The following ICA1 variants were observed in gnomAD, a reference collection of about 807,000 sequenced individuals.
The protein encoded by ICA1 is islet cell autoantigen 1.
In ICA1, 40 loss-of-function variants were observed where a neutral mutation model predicts 71.0. That is an observed-to-expected ratio of 0.56 (90% confidence interval 0.44 to 0.73). The LOEUF (loss-of-function observed/expected upper bound fraction) is 0.73, where lower values mean the gene tolerates loss of function less well. Among genes scored for constraint, ICA1 ranks in the 30% least tolerant of loss-of-function variants. ICA1 has a pLI of 0.00. For missense variants in ICA1, 578 were observed against 576.5 expected, an observed-to-expected ratio of 1.00 and a Z score of -0.03; for synonymous variants, 207 against 209.5, an observed-to-expected ratio of 0.99 and a Z score of 0.10.
intron 8 of ICA1, among the ~76,000 whole-genome samples, chr7:8,146,435 A>T (rs1796925452): frequency 6.6e-6 from 1 of 152,180 alleles, no homozygotes; most frequent in Admixed American, 6.5e-5. Context: ...TGAGACTGGG[A>T]TAAAGAGGTC....
intron 6 of ICA1, among the ~76,000 whole-genome samples, chr7:8,217,849 T>C (rs1795872005): frequency 6.6e-6 from 1 of 152,224 alleles, no homozygotes; most frequent in African/African-American, 2.4e-5. Context: ...CTGCATGAGT[T>C]AACCCTGCAA....
At chr7:8,216,859 G>A (rs1366539597) in intron 6 of ICA1, among the ~76,000 whole-genome samples, 2 of 152,064 alleles carry the variant, frequency 1.3e-5, no homozygotes, top group African/African-American at 4.8e-5. Flanking sequence ...AAATAAAATC[G>A]GTGTCTTGGT....
At position 8,138,865 on chromosome 7, in the gene ICA1, T is replaced by C. The variant is rs1794252326; in HGVS notation, c.1035A>G (p.Leu345=). The part of the protein sequence containing the change: ...HTACSGPIDE[L]LDMKSEEGAC... ...CACCTTCCTCAGATTTCATGTCTAA[T>C]AGTTCATCTATGGGTCCTTTAGAGA... Residue 345 remains leucine, a synonymous_variant, in exon 12 of 14, where the codon CTA becomes CTG. Coordinates refer to ENST00000402384, the MANE Select transcript of ICA1 (RefSeq NM_001136020.3). 5 of 1,606,134 alleles carry C rather than the reference T, an allele frequency of 3.1e-6. No homozygotes were observed. Among genetic ancestry groups the C allele is most frequent in the Non-Finnish European group, 4.3e-6 (5 of 1,173,350 alleles).
intron 6 of ICA1, among the ~76,000 whole-genome samples, chr7:8,206,853 C>T (rs1174820790): frequency 6.6e-6 from 1 of 151,928 alleles, no homozygotes; most frequent in Admixed American, 6.5e-5. Flanking sequence ...ATGCATTAAT[C>T]TGTAGACTAT....
intron 1 of ICA1, among the ~76,000 whole-genome samples, chr7:8,239,492 T>G (rs943642975): frequency 6.6e-6 from 1 of 152,166 alleles, no homozygotes; most frequent in African/African-American, 2.4e-5. Flanking sequence ...ACGCAGAAGA[T>G]GGGTGATTTC....
intron 6 of ICA1, among the ~76,000 whole-genome samples, chr7:8,159,082 T>C (rs763249520): frequency 6.6e-6 from 1 of 152,204 alleles, no homozygotes; most frequent in South Asian, 2.1e-4. Flanking sequence ...GCTACATTTG[T>C]TAAAACAAAG....
At chr7:8,239,055 A>G (rs1057137612) in intron 1 of ICA1, among the ~76,000 whole-genome samples, 5 of 152,220 alleles carry the variant, frequency 3.3e-5, no homozygotes, top group African/African-American at 4.8e-5. Flanking sequence ...GATCATAGGC[A>G]CAGGAGCAAA....
At chr7:8,166,947 T>A (rs1806215291) in intron 6 of ICA1, among the ~76,000 whole-genome samples, 1 of 152,064 alleles carries the variant, frequency 6.6e-6, no homozygotes, top group African/African-American at 2.4e-5. Flanking sequence ...CTCACACTAG[T>A]CAGAATGGCT....
chr7:8,252,655 T>C (rs1405239694), intron 1 of ICA1, among the ~76,000 whole-genome samples: 2 of 151,652 alleles, frequency 1.3e-5, no homozygotes, highest in African/African-American at 4.8e-5. Flanking sequence ...CATGTATTTA[T>C]AGTTATAAAA....
chr7:8,115,766 T>C (rs893475382), intron 13 of ICA1, among the ~76,000 whole-genome samples: 3 of 152,178 alleles, frequency 2.0e-5, no homozygotes, highest in Non-Finnish European at 4.4e-5. Flanking sequence ...ACAGATGATA[T>C]CTTCAGTCGA....
intron 8 of ICA1, among the ~76,000 whole-genome samples, chr7:8,147,033 C>T (rs2128142499): frequency 6.6e-6 from 1 of 151,950 alleles, no homozygotes; most frequent in Middle Eastern, 3.4e-3. Context: ...AACACTGGTC[C>T]AGGCCTCCTG....
chr7:8,212,866 T>A (rs776204754), intron 6 of ICA1, among the ~76,000 whole-genome samples: 2 of 152,240 alleles, frequency 1.3e-5, no homozygotes, highest in African/African-American at 2.4e-5. Context: ...TTTTGCTATT[T>A]ACCAAGTTCC....
At chr7:8,207,346 G>A (rs924430436) in intron 6 of ICA1, among the ~76,000 whole-genome samples, 6 of 152,114 alleles carry the variant, frequency 3.9e-5, no homozygotes, top group Admixed American at 3.3e-4. Flanking sequence ...AGGCTCTTAG[G>A]GTCTGCTTCT....
At chr7:8,177,003 T>C (rs919884025) in intron 6 of ICA1, among the ~76,000 whole-genome samples, 1 of 152,204 alleles carries the variant, frequency 6.6e-6, no homozygotes, top group Non-Finnish European at 1.5e-5. Flanking sequence ...AACTTTATAT[T>C]ACCCAAAATG....
rs1015723260 is a variant in ICA1 at position 8,226,136 on chromosome 7, T to C, written c.256+2465A>G. ...CACATCTGGCTGGGTTTAAGTATTTTTTGAGTCTATGAAATGTTACTATGG... is the reference window on the plus strand; with the variant it reads ...CACATCTGGCTGGGTTTAAGTATTTCTTGAGTCTATGAAATGTTACTATGG... On this transcript the variant is annotated intron_variant, in intron 4 of 13. Coordinates refer to ENST00000402384, the MANE Select transcript of ICA1 (RefSeq NM_001136020.3). The surrounding 1 kb of genome is among the most constrained non-coding windows in gnomAD (Gnocchi z 4.4). Among the ~76,000 whole-genome samples the C allele has an allele frequency of 6.6e-6, 1 of 152,174 alleles. No homozygotes were observed. The highest frequency in any genetic ancestry group is 1.5e-5 in the Non-Finnish European group (1 of 68,026).
chr7:8,235,921 T>G lies in ICA1; in HGVS notation c.6A>C (p.Ser2=). 6.2e-7 allele frequency: 1 copy of G among 1,613,430 alleles called. No individual in the cohort carries two copies. Among genetic ancestry groups the G allele is most frequent in the South Asian group, 1.1e-5 (1 of 90,990 alleles). Residue 2 remains serine (S), a synonymous_variant, in exon 2 of 14, where the codon TCA becomes TCC. Transcript: ENST00000402384. ...GACAAATTACTTACCATTTGTGTCCTGACATGTTTTCTTCTTCTTCTATTG... is the reference window on the plus strand; with the variant it reads ...GACAAATTACTTACCATTTGTGTCCGGACATGTTTTCTTCTTCTTCTATTG... M[S]GHKCSYPWDL...
intron 6 of ICA1, among the ~76,000 whole-genome samples, chr7:8,195,977 C>CACAGCA (rs1787383245): frequency 1.5e-5 from 2 of 129,204 alleles, no homozygotes; most frequent in East Asian, 4.6e-4. Flanking sequence ...GGCTCCGTCT[C>CACAGCA]ACAACAACAA....
chr7:8,127,847 C>T, intron 13 of ICA1, 26 bp downstream of exon 13: 1 of 1,558,348 alleles, frequency 6.4e-7, no homozygotes, highest in Non-Finnish European at 8.7e-7. Context: ...AACAAAAAAC[C>T]CCATTTCAAT....
intron 1 of ICA1, among the ~76,000 whole-genome samples, chr7:8,245,272 A>C (rs1385090492): frequency 6.6e-6 from 1 of 152,136 alleles, no homozygotes; most frequent in Non-Finnish European, 1.5e-5. Flanking sequence ...GACATGGATG[A>C]AGCTGGAAAC....
Sources: allele counts gnomAD v4.1 joint callset (sites outside exome capture counted in the v4.1 genomes callset), GRCh38; gene constraint gnomAD v4.1.1; non-coding constraint Gnocchi (gnomAD v3.1); transcripts MANE v1.5; gene names NCBI Gene and HGNC (gene_info 2026-07-23, HGNC 2026-07-21).